Variants in KIAA1328 observed in about 807,000 individuals in gnomAD.
KIAA1328 encodes the protein KIAA1328, also known as protein hinderin.
A neutral mutation model predicts 68.1 loss-of-function variants in KIAA1328; 52 were observed. The ratio of observed to expected loss-of-function variants is 0.76; its 90% CI spans 0.61 to 0.96. The LOEUF is 0.96. KIAA1328 is among the 40% of genes least tolerant of loss of function. The pLI, the probability that KIAA1328 is intolerant of heterozygous loss-of-function variation, is 0.00. For missense variants in KIAA1328, 641 were observed against 677.6 expected, an observed-to-expected ratio of 0.95 and a Z score of 0.60; for synonymous variants, 232 against 239.4, an observed-to-expected ratio of 0.97 and a Z score of 0.28.
chr18:37,208,100 C>T (rs1353544185), intron 9 of KIAA1328, among the ~76,000 whole-genome samples: 3 of 152,180 alleles, frequency 2.0e-5, no homozygotes, highest in African/African-American at 7.2e-5. Context: ...TGAGCCACTG[C>T]ACCTGGCCAG....
intron 4 of KIAA1328, among the ~76,000 whole-genome samples, chr18:36,881,592 T>G (rs2150968498): frequency 6.6e-6 from 1 of 152,266 alleles, no homozygotes; most frequent in African/African-American, 2.4e-5. Context: ...CCTATATGCA[T>G]TAGCACTCAC....
intron 4 of KIAA1328, among the ~76,000 whole-genome samples, chr18:36,873,130 A>G (rs1195279196): frequency 2.0e-5 from 3 of 152,174 alleles, no homozygotes; most frequent in African/African-American, 7.2e-5. Flanking sequence ...CAGGCTGAGT[A>G]TGAAGTCCTG....
intron 7 of KIAA1328, among the ~76,000 whole-genome samples, chr18:37,077,542 T>C (rs1258953594): frequency 1.3e-5 from 2 of 151,838 alleles, no homozygotes; most frequent in African/African-American, 2.4e-5. Flanking sequence ...GAAGTCAAAT[T>C]GTCCCTGTTT....
chr18:37,196,748 T>G (rs1248374798), intron 9 of KIAA1328, among the ~76,000 whole-genome samples: 1 of 152,132 alleles, frequency 6.6e-6, no homozygotes, highest in Non-Finnish European at 1.5e-5. Context: ...CTTTTTTTGT[T>G]GTGTCTTTGT....
At chr18:36,834,113 T>G (rs2150762082) in intron 1 of KIAA1328, 1 of 786,064 alleles carries the variant, frequency 1.3e-6, no homozygotes, top group Non-Finnish European at 1.7e-6. Context: ...TTTTAGAGAA[T>G]ATTAATTTTG....
At chr18:37,157,653 T>G (rs2154210838) in intron 7 of KIAA1328, among the ~76,000 whole-genome samples, 1 of 151,564 alleles carries the variant, frequency 6.6e-6, no homozygotes, top group African/African-American at 2.4e-5. Flanking sequence ...CTACTAAAAA[T>G]ACAAAAATTA....
chr18:37,136,899 C>T (rs143881322), intron 7 of KIAA1328, among the ~76,000 whole-genome samples: 252 of 152,274 alleles, frequency 1.7e-3, no homozygotes, highest in Non-Finnish European at 2.5e-3. Context: ...AGCAATAGAA[C>T]GCTAATTTAG....
At chr18:37,168,439 A>T (rs1190805817) in intron 8 of KIAA1328, among the ~76,000 whole-genome samples, 1 of 152,236 alleles carries the variant, frequency 6.6e-6, no homozygotes, top group Non-Finnish European at 1.5e-5. Flanking sequence ...TCTTCATAAT[A>T]GCTCCAAACC....
intron 7 of KIAA1328, among the ~76,000 whole-genome samples, chr18:37,070,656 C>T (rs1022080027): frequency 6.6e-6 from 1 of 151,444 alleles, no homozygotes; most frequent in Non-Finnish European, 1.5e-5. Context: ...CTGCAACCTC[C>T]GTCTCCTGGG....
chr18:37,126,415 GA>G (rs1441328652), intron 7 of KIAA1328, among the ~76,000 whole-genome samples: 2 of 152,064 alleles, frequency 1.3e-5, no homozygotes, highest in Non-Finnish European at 2.9e-5. Flanking sequence ...TAGATAATGT[GA>G]ATATCTGATC....
intron 5 of KIAA1328, among the ~76,000 whole-genome samples, chr18:36,954,027 G>C (rs376355924): frequency 9.0e-6 from 1 of 110,978 alleles, no homozygotes; most frequent in African/African-American, 3.1e-5. Flanking sequence ...ACGGAGTCTC[G>C]CTCTGTCGCC....
At chr18:36,853,044 T>C (rs1488534616) in intron 4 of KIAA1328, among the ~76,000 whole-genome samples, 27 of 152,248 alleles carry the variant, frequency 1.8e-4, no homozygotes, top group Admixed American at 1.8e-3. Flanking sequence ...CTCTGCCTAT[T>C]GTAGCATTCT....
intron 7 of KIAA1328, among the ~76,000 whole-genome samples, chr18:37,152,716 A>G (rs1214280181): frequency 6.6e-6 from 1 of 152,220 alleles, no homozygotes; most frequent in Non-Finnish European, 1.5e-5. Context: ...TTATTTTAAT[A>G]CAAAAGTATT....
intron 9 of KIAA1328, among the ~76,000 whole-genome samples, chr18:37,205,871 G>T (rs1440465551): frequency 6.6e-6 from 1 of 152,158 alleles, no homozygotes; most frequent in Non-Finnish European, 1.5e-5. Flanking sequence ...TTGGGTAAAG[G>T]TTTACTCAGG....
chr18:37,218,348 C>G (rs1315663389), intron 9 of KIAA1328, among the ~76,000 whole-genome samples: 4 of 152,172 alleles, frequency 2.6e-5, no homozygotes, highest in African/African-American at 9.7e-5. Context: ...TGCTGAGGAT[C>G]TGCTTACACA....
chr18:36,945,484 A>G (rs2050867649), intron 5 of KIAA1328, among the ~76,000 whole-genome samples: 1 of 152,182 alleles, frequency 6.6e-6, no homozygotes. Context: ...AAGTAATGAA[A>G]TATTCCTACT....
In KIAA1328 at chr18:37,104,833, CAT is replaced by C. The variant is rs559495596; in HGVS notation, c.1232+37291_1232+37292del. ...AATTGGCAAAATTGAAAATTTTAAT[CAT>C]ATCAAAAAGTGTGGAGAAACAGTAT... On this transcript the variant is annotated intron_variant, in intron 7 of 9. Transcript: ENST00000280020. 1.3e-4 allele frequency among the ~76,000 whole-genome samples: 20 copies of C among 152,120 alleles called. No homozygotes were observed. In the East Asian group the frequency reaches 3.9e-3, roughly 30 times the overall value.
At chr18:36,992,374 A>G (rs907786786) in intron 6 of KIAA1328, among the ~76,000 whole-genome samples, 1 of 151,360 alleles carries the variant, frequency 6.6e-6, no homozygotes, top group African/African-American at 2.4e-5. Flanking sequence ...TATCTTTTAC[A>G]TGTAGGTTTC....
At chr18:37,121,650 G>T (rs987136387) in intron 7 of KIAA1328, among the ~76,000 whole-genome samples, 2 of 152,010 alleles carry the variant, frequency 1.3e-5, no homozygotes, top group Non-Finnish European at 2.9e-5. Flanking sequence ...ATAATGACTG[G>T]AAAGAACATC....
Sources: gnomAD v4.1 joint callset for allele counts (sites outside exome capture counted in the v4.1 genomes callset) on GRCh38, gnomAD v4.1.1 for gene constraint, MANE v1.5 for transcripts, NCBI Gene and HGNC (gene_info 2026-07-23, HGNC 2026-07-21) for gene names.